Variants in DNAH5 observed in about 807,000 individuals in gnomAD.
The protein encoded by DNAH5 is dynein axonemal heavy chain 5, also known as axonemal beta dynein heavy chain 5.
In DNAH5, 372 loss-of-function variants were observed where a neutral mutation model predicts 518.2. The observed-to-expected ratio is 0.72, with a 90% confidence interval of 0.66 to 0.78. DNAH5 has a LOEUF of 0.78. Ranked by LOEUF, DNAH5 falls within the 30% of genes least tolerant of loss-of-function variation. The pLI is 0.00. For synonymous variants in DNAH5, 2,039 were observed against 2,025.9 expected, an observed-to-expected ratio of 1.01 and a Z score of -0.17; for missense variants, 5,523 against 5,687.0, an observed-to-expected ratio of 0.97 and a Z score of 0.93.
chr5:13,948,521 T>G (rs186125952), upstream of DNAH5, among the ~76,000 whole-genome samples: 1 of 152,174 alleles, frequency 6.6e-6, no homozygotes, highest in Non-Finnish European at 1.5e-5. Context: ...GCAAGCCCTA[T>G]AGAAGAATAA....
At chr5:13,827,834 G>A (rs1242387283) in intron 38 of DNAH5, among the ~76,000 whole-genome samples, 1 of 152,100 alleles carries the variant, frequency 6.6e-6, no homozygotes, top group Non-Finnish European at 1.5e-5. Flanking sequence ...TTGCTCTCAT[G>A]ATAGTGAGTT....
In DNAH5 at chr5:13,944,594, C is replaced by A; in HGVS notation, c.-156G>T. ...TTGCATGTATTATTCACTACATTCA[C>A]AGAATAAAAATTAAAACTCCACTTA... On this transcript the variant is annotated 5_prime_UTR_variant, in exon 1 of 79. Coordinates refer to ENST00000265104, the MANE Select transcript of DNAH5 (RefSeq NM_001369.3). The A allele has an allele frequency of 1.4e-6, 1 of 690,722 alleles. No individual in the cohort carries two copies. The allele number at this position is 690,722 out of a possible 1,614,324, so 42.8% of individuals were successfully genotyped here.
At chr5:13,949,296 C>A (rs1780181841), upstream of DNAH5, among the ~76,000 whole-genome samples, 1 of 152,174 alleles carries the variant, frequency 6.6e-6, no homozygotes, top group Admixed American at 6.5e-5. Flanking sequence ...CATCCAGTAT[C>A]TTTTTCTTTA....
At chr5:13,808,843 C>G (rs1476366985) in intron 46 of DNAH5, among the ~76,000 whole-genome samples, 6 of 152,070 alleles carry the variant, frequency 3.9e-5, no homozygotes, top group Non-Finnish European at 8.8e-5. Context: ...ACCTGTAGTC[C>G]CAGCTACTCA....
chr5:13,972,438 C>T (rs1389568984), intron 1 of DNAH5, among the ~76,000 whole-genome samples: 1 of 150,976 alleles, frequency 6.6e-6, no homozygotes, highest in Non-Finnish European at 1.5e-5. Flanking sequence ...ATTCCACTGG[C>T]AGCTCTCTCC....
At chr5:13,764,868 G>A (rs1214777231) in intron 59 of DNAH5, among the ~76,000 whole-genome samples, 2 of 152,196 alleles carry the variant, frequency 1.3e-5, no homozygotes, top group African/African-American at 2.4e-5. Context: ...AAACAGGCTT[G>A]TAAAAAATGA....
chr5:13,783,304 AT>A (rs1163550224), intron 52 of DNAH5, among the ~76,000 whole-genome samples: 2 of 152,146 alleles, frequency 1.3e-5, no homozygotes, highest in Non-Finnish European at 2.9e-5. Flanking sequence ...TTTAGGGCTT[AT>A]TTGGGGGACT....
chr5:13,843,881 C>A (rs1254114275), intron 32 of DNAH5, among the ~76,000 whole-genome samples: 1 of 152,314 alleles, frequency 6.6e-6, no homozygotes, highest in African/African-American at 2.4e-5. Flanking sequence ...ACAATAATAA[C>A]AATTCAAGTC....
chr5:14,001,086 A>C (rs1784320114), intron 1 of DNAH5, among the ~76,000 whole-genome samples: 1 of 152,236 alleles, frequency 6.6e-6, no homozygotes, highest in African/African-American at 2.4e-5. Flanking sequence ...GTAAGAGTTA[A>C]ACACTGGGTA....
At chr5:13,702,898 T>C (rs891512712) in intron 76 of DNAH5, among the ~76,000 whole-genome samples, 1 of 152,056 alleles carries the variant, frequency 6.6e-6, no homozygotes, top group Non-Finnish European at 1.5e-5. Flanking sequence ...TTTAGCCAAG[T>C]AACCTACAGA....
intron 1 of DNAH5, among the ~76,000 whole-genome samples, chr5:14,004,855 A>G (rs527740977): frequency 1.3e-5 from 2 of 152,156 alleles, no homozygotes; most frequent in African/African-American, 4.8e-5. Context: ...GTTGATCTCA[A>G]TAGCCTCTCA....
chr5:13,864,663 GC>G, intron 27 of DNAH5, 26 bp from the exon 28 acceptor site: 1 of 1,613,788 alleles, frequency 6.2e-7, no homozygotes, highest in Non-Finnish European at 8.5e-7. Flanking sequence ...AACATGAAAG[GC>G]CATTGAAATA....
chr5:13,767,185 C>T (rs990071353), intron 58 of DNAH5, among the ~76,000 whole-genome samples: 8 of 152,154 alleles, frequency 5.3e-5, no homozygotes, highest in Non-Finnish European at 7.4e-5. Flanking sequence ...AGTGCACTGG[C>T]GTAATCTCAG....
chr5:13,866,276 G>C lies in DNAH5; in HGVS notation c.4060C>G (p.Pro1354Ala), dbSNP rs752210248. 2 of 1,613,140 alleles carry C rather than the reference G, an allele frequency of 1.2e-6. No individual in the cohort carries two copies. The highest frequency in any genetic ancestry group is 1.3e-5 in the African/African-American group (1 of 74,870). The change falls in exon 26 of 79, where the codon CCA becomes GCA. Residue 1354 changes from proline to alanine, a missense_variant. This residue lies in a region of DNAH5 where 5,121 missense variants were observed against 5,223.3 expected (regional missense o/e 0.98). Transcript: ENST00000265104. ...TGGGGCTTCAAGCCGCTAGCCATTG[G>C]ACCATTCTGAACAAAAAGTAAAAAA... is the stretch of plus-strand genomic sequence containing the variant. ...QFYLDYDLNG[P>A]MASGLKPQEA...
chr5:13,923,963 T>G (rs1435839366), intron 3 of DNAH5, among the ~76,000 whole-genome samples: 1 of 151,774 alleles, frequency 6.6e-6, no homozygotes, highest in African/African-American at 2.4e-5. Context: ...GGAGAATCAC[T>G]TGAACCCAGG....
intron 77 of DNAH5, 105 bp downstream of exon 77, chr5:13,701,179 G>C (rs927495160): frequency 2.0e-6 from 3 of 1,482,402 alleles, no homozygotes; most frequent in Non-Finnish European, 2.8e-6. Context: ...GTACCAAAAA[G>C]AGACAGTCAT....
At chr5:13,776,336 G>A (rs1332667672) in intron 55 of DNAH5, 103 bp downstream of exon 55, 5 of 1,468,100 alleles carry the variant, frequency 3.4e-6, no homozygotes, top group Non-Finnish European at 4.8e-6. Flanking sequence ...ACATCCTGGA[G>A]CCTGCCTGGA....
rs377275027 is a variant in DNAH5, at chr5:13,923,340, T to C, written c.378A>G (p.Val126=). The part of the protein sequence containing the change: ...TEGNDVALTG[V]CVFFIRTDPS... ...GGTCAGTCCTGATGAAGAACACACATACCCCAGTAAGAGCCACATCGTTTC... is the reference window on the plus strand; with the variant it reads ...GGTCAGTCCTGATGAAGAACACACACACCCCAGTAAGAGCCACATCGTTTC... Residue 126 remains valine, a synonymous_variant, in exon 4 of 79, where the codon GTA becomes GTG. Transcript: ENST00000265104. 1.4e-5 allele frequency: 23 copies of C among 1,614,152 alleles called. No homozygotes were observed. The East Asian group carries it at 1.6e-4, about 11-fold the overall frequency.
chr5:13,975,670 T>C (rs1403442073), intron 1 of DNAH5, among the ~76,000 whole-genome samples: 1 of 152,216 alleles, frequency 6.6e-6, no homozygotes, highest in Non-Finnish European at 1.5e-5. Flanking sequence ...AAATTCTGTT[T>C]TGCAGTCTTC....
Sources: allele counts gnomAD v4.1 joint callset (sites outside exome capture counted in the v4.1 genomes callset), GRCh38; gene constraint gnomAD v4.1.1; regional missense constraint gnomAD v4.1.1; transcripts MANE v1.5; gene names NCBI Gene and HGNC (gene_info 2026-07-23, HGNC 2026-07-21).